FRMD5: variants seen among roughly 807,000 people sequenced by gnomAD.
The protein encoded by FRMD5 is FERM domain containing 5, also known as FERM domain-containing protein 5.
A neutral mutation model predicts 69.0 loss-of-function variants in FRMD5; 20 were observed. The ratio of observed to expected loss-of-function variants is 0.29; its 90% confidence interval spans 0.20 to 0.42. The LOEUF (loss-of-function observed/expected upper bound fraction) is 0.42. Among genes scored for constraint, FRMD5 ranks in the 10% least tolerant of loss-of-function variants. The probability of loss-of-function intolerance (pLI) is 1.00; values close to 1 mark genes in which losing one functional copy is unlikely to be tolerated. For synonymous variants in FRMD5, 271 were observed against 260.1 expected, an observed-to-expected ratio of 1.04 and a Z score of -0.40; for missense variants, 595 against 708.6, an observed-to-expected ratio of 0.84 and a Z score of 1.82.
chr15:43,888,278 T>C lies in FRMD5; in HGVS notation c.793-12A>G. ...ATAATTTTCTTTTCCTGCAAAAAAT[T>C]CCACATTGATATGGCTGAGTGTGGA... On this transcript the variant is annotated splice_polypyrimidine_tract_variant and intron_variant, in intron 9 of 13. Transcript: ENST00000417257. 1 of 1,583,532 alleles carries C rather than the reference T, an allele frequency of 6.3e-7. No homozygotes were observed. Among genetic ancestry groups the C allele is most frequent in the Non-Finnish European group, 8.7e-7 (1 of 1,152,248 alleles).
chr15:43,985,836 G>A (rs1336048571), intron 1 of FRMD5, among the ~76,000 whole-genome samples: 1 of 152,294 alleles, frequency 6.6e-6, no homozygotes, highest in East Asian at 1.9e-4. Flanking sequence ...AAGATCAAAG[G>A]TATTGCCCCT....
chr15:44,029,838 T>C lies in FRMD5; in HGVS notation c.103-105529A>G, dbSNP rs115127037. Among the ~76,000 whole-genome samples the C allele has an allele frequency of 2.7e-3, 415 of 152,364 alleles. 2 individuals are homozygous for C. The highest frequency in any genetic ancestry group is 9.9e-3 in the African/African-American group (411 of 41,586). On this transcript the variant is annotated intron_variant, in intron 1 of 13. Coordinates refer to ENST00000417257, the MANE Select transcript of FRMD5 (RefSeq NM_032892.5). The stretch of plus-strand genomic sequence containing the variant: ...AATTTTTAGTAACGTCTCAGGTGAT[T>C]CTGATGCATGGCCACAGCATTCTGC...
chr15:43,987,502 G>A (rs935459185), intron 1 of FRMD5, among the ~76,000 whole-genome samples: 2 of 152,258 alleles, frequency 1.3e-5, no homozygotes, highest in Admixed American at 1.3e-4. Flanking sequence ...GTTGCAGGGG[G>A]TTTCGGGATG....
intron 1 of FRMD5, among the ~76,000 whole-genome samples, chr15:43,935,217 C>T (rs979702387): frequency 3.9e-5 from 6 of 152,194 alleles, no homozygotes; most frequent in Admixed American, 2.0e-4. Context: ...TGGTGGCTCC[C>T]GCCTGTAATC....
intron 1 of FRMD5, among the ~76,000 whole-genome samples, chr15:44,076,274 T>A (rs1257308920): frequency 6.6e-6 from 1 of 151,818 alleles, no homozygotes; most frequent in Non-Finnish European, 1.5e-5. Context: ...CATTACTGGG[T>A]ACATACCCAA....
intron 1 of FRMD5, among the ~76,000 whole-genome samples, chr15:43,945,144 A>G (rs1392811817): frequency 6.6e-6 from 1 of 152,086 alleles, no homozygotes; most frequent in Non-Finnish European, 1.5e-5. Context: ...AAAAGCCATT[A>G]AAAAATGGGA....
intron 1 of FRMD5, among the ~76,000 whole-genome samples, chr15:44,109,873 T>C (rs1416740574): frequency 6.6e-6 from 1 of 152,240 alleles, no homozygotes; most frequent in African/African-American, 2.4e-5. Context: ...TTTTTCCTTT[T>C]CCAGAATGTC....
chr15:43,928,495 T>C (rs1271567143), intron 1 of FRMD5, among the ~76,000 whole-genome samples: 1 of 152,028 alleles, frequency 6.6e-6, no homozygotes, highest in African/African-American at 2.4e-5. Flanking sequence ...CTGGGTGAAA[T>C]CACATGCAGC....
At chr15:44,129,483 A>T (rs1356362219) in intron 1 of FRMD5, among the ~76,000 whole-genome samples, 1 of 152,136 alleles carries the variant, frequency 6.6e-6, no homozygotes, top group Non-Finnish European at 1.5e-5. Context: ...AATTCCTCTG[A>T]TTATGTCTTT....
intron 1 of FRMD5, among the ~76,000 whole-genome samples, chr15:44,079,576 T>C (rs535044666): frequency 1.3e-5 from 2 of 152,176 alleles, no homozygotes; most frequent in African/African-American, 4.8e-5. Context: ...ATATGATAAC[T>C]ATACCCATAT....
intron 13 of FRMD5, chr15:43,876,008 C>G: frequency 1.5e-6 from 2 of 1,302,466 alleles, no homozygotes; most frequent in Non-Finnish European, 2.2e-6. Flanking sequence ...CCAAGACGCC[C>G]CCTTGCCTGG....
At chr15:44,180,140 C>T (rs1324714279) in intron 1 of FRMD5, among the ~76,000 whole-genome samples, 13 of 151,754 alleles carry the variant, frequency 8.6e-5, no homozygotes, top group Admixed American at 2.0e-4. Flanking sequence ...CCCAGCTTCC[C>T]GACTTACTAC....
chr15:43,921,369 C>T (rs1452371878), intron 2 of FRMD5, among the ~76,000 whole-genome samples: 3 of 152,228 alleles, frequency 2.0e-5, no homozygotes, highest in Non-Finnish European at 4.4e-5. Context: ...GATGCATTAT[C>T]AGCAGAGGGC....
intron 1 of FRMD5, among the ~76,000 whole-genome samples, chr15:44,149,275 C>T (rs1223909532): frequency 6.6e-6 from 1 of 150,626 alleles, no homozygotes; most frequent in African/African-American, 2.4e-5. Context: ...AGAAAACACA[C>T]AAAAAGAAAT....
intron 1 of FRMD5, among the ~76,000 whole-genome samples, chr15:44,066,689 TTA>T (rs1893325895): frequency 6.6e-6 from 1 of 151,788 alleles, no homozygotes; most frequent in South Asian, 2.1e-4. Flanking sequence ...GGCAGGAGAG[TTA>T]GGTGATAAGA....
chr15:44,111,636 C>T (rs1030465950), intron 1 of FRMD5, among the ~76,000 whole-genome samples: 1 of 152,176 alleles, frequency 6.6e-6, no homozygotes, highest in African/African-American at 2.4e-5. Context: ...ATCACCCAAT[C>T]GGAACCCTTT....
chr15:44,191,938 A>ATATATATCTATC (rs2078203726), intron 1 of FRMD5, among the ~76,000 whole-genome samples: 1 of 125,880 alleles, frequency 7.9e-6, no homozygotes, highest in African/African-American at 3.0e-5. Context: ...ATATATATAT[A>ATATATATCTATC]TATGTATCTC....
chr15:43,989,959 A>G, intron 1 of FRMD5: 2 of 1,102,514 alleles, frequency 1.8e-6, no homozygotes, highest in African/African-American at 1.5e-5. Context: ...GGTGGTGACA[A>G]TGTCCTGCTT....
chr15:44,043,039 A>G (rs1409397564), intron 1 of FRMD5, among the ~76,000 whole-genome samples: 1 of 152,230 alleles, frequency 6.6e-6, no homozygotes, highest in Non-Finnish European at 1.5e-5. Context: ...CCATCGTCTC[A>G]GCCCAAAATC....
Sources: gnomAD v4.1 joint callset for allele counts (sites outside exome capture counted in the v4.1 genomes callset) on GRCh38, gnomAD v4.1.1 for gene constraint, MANE v1.5 for transcripts, NCBI Gene and HGNC (gene_info 2026-07-23, HGNC 2026-07-21) for gene names.